Variants in GAS7 observed in about 807,000 individuals in gnomAD.
The protein encoded by GAS7 is growth arrest-specific protein 7.
Under a neutral mutation model 71.1 loss-of-function variants are expected in GAS7, and 28 were observed. The observed-to-expected ratio is 0.39, with a 90% CI of 0.29 to 0.54. The LOEUF (loss-of-function observed/expected upper bound fraction) is 0.54, where lower values mean the gene tolerates loss of function less well. Among genes scored for constraint, GAS7 ranks in the 20% least tolerant of loss-of-function variants. The pLI is 0.62. For missense variants in GAS7, 436 were observed against 627.8 expected, an observed-to-expected ratio of 0.69 and a Z score of 3.27; for synonymous variants, 258 against 245.8, an observed-to-expected ratio of 1.05 and a Z score of -0.46.
intron 5 of GAS7, among the ~76,000 whole-genome samples, chr17:9,953,469 G>C (rs1039054050): frequency 6.6e-6 from 1 of 152,178 alleles, no homozygotes; most frequent in African/African-American, 2.4e-5. Context: ...CCCTGACTCA[G>C]GCACCCTCTT....
At chr17:10,172,200 A>G (rs76825014) in intron 1 of GAS7, among the ~76,000 whole-genome samples, 2,823 of 152,292 alleles carry the variant, frequency 0.019, 83 homozygotes, top group African/African-American at 0.062. Context: ...GTGTAAAAGA[A>G]GTCTCTAAAT....
At chr17:9,982,232 C>G (rs556775948) in intron 2 of GAS7, among the ~76,000 whole-genome samples, 1 of 152,254 alleles carries the variant, frequency 6.6e-6, no homozygotes, top group Admixed American at 6.5e-5. Flanking sequence ...TACTTTGTCT[C>G]GGGGCTCTGG....
intron 2 of GAS7, among the ~76,000 whole-genome samples, chr17:10,019,344 C>T (rs947254780): frequency 6.6e-6 from 1 of 152,140 alleles, no homozygotes; most frequent in African/African-American, 2.4e-5. Flanking sequence ...GCATTTGCAA[C>T]CCCTGTATTG....
rs1288919689 is a variant in GAS7, at chr17:10,103,345, G to A, written c.184-83448C>T. 6.6e-6 allele frequency among the ~76,000 whole-genome samples: 1 copy of A among 152,086 alleles called. No individual in the cohort carries two copies. Among genetic ancestry groups the A allele is most frequent in the Admixed American group, 6.5e-5 (1 of 15,268 alleles). On this transcript the variant is annotated intron_variant, in intron 1 of 13. Coordinates refer to ENST00000432992, the MANE Select transcript of GAS7 (RefSeq NM_201433.2). The surrounding 1 kb of genome is among the most constrained non-coding windows in gnomAD (Gnocchi z 5.5). Reference sequence around the variant, plus strand: ...AGTCTGGGTGATAGGTTAAGACCCTGTCTCAAACAAACCAACCAACCAACC... The same window carrying A: ...AGTCTGGGTGATAGGTTAAGACCCTATCTCAAACAAACCAACCAACCAACC...
intron 1 of GAS7, among the ~76,000 whole-genome samples, chr17:10,097,111 C>T (rs2073648819): frequency 6.6e-6 from 1 of 152,228 alleles, no homozygotes; most frequent in Admixed American, 6.5e-5. Flanking sequence ...CGCTGGGCTG[C>T]CTTCCCTCTC....
chr17:10,126,627 C>T (rs565933230), intron 1 of GAS7, among the ~76,000 whole-genome samples: 2 of 152,236 alleles, frequency 1.3e-5, no homozygotes, highest in East Asian at 1.9e-4. Flanking sequence ...CACACTCACA[C>T]ACTCGCGCAC....
At chr17:10,111,716 T>C (rs1430181367) in intron 1 of GAS7, among the ~76,000 whole-genome samples, 1 of 152,162 alleles carries the variant, frequency 6.6e-6, no homozygotes, top group Non-Finnish European at 1.5e-5. Flanking sequence ...GGGAGGCCTA[T>C]ATTCCAAGGG....
intron 1 of GAS7, among the ~76,000 whole-genome samples, chr17:10,041,524 G>A (rs1402723835): frequency 6.6e-6 from 1 of 152,200 alleles, no homozygotes; most frequent in East Asian, 1.9e-4. Context: ...GATCTGCTGT[G>A]GCCTGACCTC....
chr17:9,989,710 G>A (rs1359174832), intron 2 of GAS7, among the ~76,000 whole-genome samples: 2 of 152,154 alleles, frequency 1.3e-5, no homozygotes, highest in Admixed American at 1.3e-4. Context: ...AGAATGGCCA[G>A]GGAAGGCCTC....
chr17:10,083,066 T>C (rs59042726), intron 1 of GAS7, among the ~76,000 whole-genome samples: 54,052 of 152,046 alleles, frequency 0.36, 10,383 homozygotes, highest in African/African-American at 0.44. Flanking sequence ...CTAATTCAAG[T>C]AGTGGTTGCA....
chr17:9,948,543 C>T (rs997994613), intron 5 of GAS7, among the ~76,000 whole-genome samples: 9 of 152,086 alleles, frequency 5.9e-5, no homozygotes, highest in African/African-American at 4.8e-5. Context: ...ATTAGCCAGG[C>T]GTGGTGGCAT....
At chr17:10,002,534 A>G (rs1488054102) in intron 2 of GAS7, among the ~76,000 whole-genome samples, 5 of 152,004 alleles carry the variant, frequency 3.3e-5, no homozygotes, top group African/African-American at 9.7e-5. Flanking sequence ...TACATTAGGT[A>G]TATCTCCTAA....
chr17:10,116,040 G>A (rs1261585982), intron 1 of GAS7, among the ~76,000 whole-genome samples: 1 of 152,202 alleles, frequency 6.6e-6, no homozygotes, highest in African/African-American at 2.4e-5. Flanking sequence ...GCCGGCCATG[G>A]TGGCTCACGA....
At chr17:9,943,368 T>C (rs1241926590) in intron 6 of GAS7, 132 bp from the exon 7 acceptor site, 1 of 650,640 alleles carries the variant, frequency 1.5e-6, no homozygotes, top group South Asian at 1.8e-5. Flanking sequence ...GGAGCAGCTG[T>C]CTCTGCTGCC....
At chr17:10,179,037 T>G (rs573145634) in intron 1 of GAS7, among the ~76,000 whole-genome samples, 1 of 152,068 alleles carries the variant, frequency 6.6e-6, no homozygotes, top group African/African-American at 2.4e-5. Flanking sequence ...CACATCAACT[T>G]GAAAACATCT....
Position 10,027,398 on chromosome 17 carries a change from TC to T in GAS7, c.184-7502del, listed in dbSNP as rs573598646. Reference sequence around the variant, plus strand: ...GCCCCATCTGTGAACAAATCCCAGCTCTTAATGGATCTATTGAATGGACTCT... The same window carrying T: ...GCCCCATCTGTGAACAAATCCCAGCTTTAATGGATCTATTGAATGGACTCT... On this transcript the variant is annotated intron_variant, in intron 1 of 13. Coordinates refer to ENST00000432992, the MANE Select transcript of GAS7 (RefSeq NM_201433.2). Among the ~76,000 whole-genome samples, 171 of 152,280 alleles carry T rather than the reference TC, an allele frequency of 1.1e-3. 1 individual carries two copies. Among genetic ancestry groups the T allele is most frequent in the African/African-American group, 4.0e-3 (165 of 41,538 alleles).
chr17:10,180,331 C>CAAA (rs34829725), intron 1 of GAS7, among the ~76,000 whole-genome samples: 48 of 96,418 alleles, frequency 5.0e-4, no homozygotes, highest in East Asian at 4.4e-3. Flanking sequence ...AACTCTGCCT[C>CAAA]AAAAAAAAAA....
chr17:10,006,146 A>G (rs2071518089), intron 2 of GAS7, among the ~76,000 whole-genome samples: 1 of 152,056 alleles, frequency 6.6e-6, no homozygotes, highest in Admixed American at 6.6e-5. Context: ...AAAGATCTCC[A>G]TAGAAGAGAA....
intron 1 of GAS7, among the ~76,000 whole-genome samples, chr17:10,075,796 GT>G (rs762072411): frequency 1.4e-5 from 2 of 140,186 alleles, no homozygotes; most frequent in Non-Finnish European, 1.5e-5. Flanking sequence ...CCTTATCTCA[GT>G]TTTAAAAAAA....
Sources: allele counts gnomAD v4.1 joint callset (sites outside exome capture counted in the v4.1 genomes callset), GRCh38; gene constraint gnomAD v4.1.1; non-coding constraint Gnocchi (gnomAD v3.1); transcripts MANE v1.5; gene names NCBI Gene and HGNC (gene_info 2026-07-23, HGNC 2026-07-21).